The following FAM217A variants were observed in gnomAD, a reference collection of about 807,000 sequenced individuals.
FAM217A encodes protein FAM217A.
In FAM217A, 13 loss-of-function variants were observed where a neutral mutation model predicts 18.5. That is an observed-to-expected ratio of 0.70 (90% CI 0.46 to 1.12). FAM217A has a LOEUF of 1.12. Ranked by LOEUF, FAM217A falls within the 50% of genes most tolerant of loss-of-function variation. The pLI, the probability that FAM217A is intolerant of heterozygous loss-of-function variation, is 0.00. For missense variants in FAM217A, 560 were observed against 575.4 expected (o/e 0.97, Z 0.27); for synonymous variants, 161 against 202.8 (o/e 0.79, Z 1.75).
intron 2 of FAM217A, among the ~76,000 whole-genome samples, chr6:4,075,630 G>C: frequency 6.6e-6 from 1 of 152,318 alleles, no homozygotes; most frequent in Admixed American, 6.5e-5. Flanking sequence ...AAAACAGAAA[G>C]TGAAGAGGTG....
chr6:4,079,708 A>G (rs1177787285), upstream of FAM217A: 7 of 1,167,780 alleles, frequency 6.0e-6, no homozygotes, highest in South Asian at 5.3e-5. Flanking sequence ...CTAAGCTACA[A>G]TATATACGCA....
In FAM217A at chr6:4,069,781, C is replaced by G; in HGVS notation, c.442G>C (p.Gly148Arg). 6.2e-7 allele frequency: 1 copy of G among 1,614,114 alleles called. No individual in the cohort carries two copies. ...CCATCAGCATAGGGCCAGCAGAGAC[C>G]TAATGGCATTGGCAGTCCAGGGTAA... Reference protein sequence around the residue: ...GPYPGLPMPLGLCWPYADGDF... With the variant: ...GPYPGLPMPLRLCWPYADGDF... The change falls in exon 7 of 7, where the codon GGT becomes CGT. Residue 148 changes from glycine (G) to arginine (R), a missense_variant. Coordinates refer to ENST00000274673, the MANE Select transcript of FAM217A (RefSeq NM_173563.3).
At chr6:4,070,516 A>ATTATT (rs776271919) in intron 6 of FAM217A, among the ~76,000 whole-genome samples, 3 of 152,162 alleles carry the variant, frequency 2.0e-5, no homozygotes, top group Non-Finnish European at 2.9e-5. Flanking sequence ...AATTCTAGGT[A>ATTATT]TTATGTTAAA....
upstream of FAM217A, among the ~76,000 whole-genome samples, chr6:4,081,027 C>T (rs1407137552): frequency 1.3e-5 from 2 of 152,078 alleles, no homozygotes; most frequent in African/African-American, 4.8e-5. Flanking sequence ...TCATTTACAA[C>T]GTCTCAATCA....
intron 3 of FAM217A, 29 bp from the exon 4 acceptor site, chr6:4,074,485 A>G: frequency 1.3e-6 from 2 of 1,582,924 alleles, no homozygotes; most frequent in South Asian, 2.2e-5. Flanking sequence ...ATGACAATTA[A>G]TAGTTACATA....
rs138996355 is a variant in FAM217A, at chr6:4,069,264, C to G, written c.959G>C (p.Arg320Pro). Residue 320 changes from arginine (R) to proline (P), a missense_variant, in exon 7 of 7, where the codon CGA becomes CCA. Physicochemically the swap from Arg to Pro is moderately radical, Grantham distance 103. Transcript: ENST00000274673. The part of the protein sequence containing the change: ...TTFCTPAVTE[R>P]PSSSKATPKV... ...TGGTGTAGCTTTGGAGGAAGAGGGT[C>G]GTTCAGTAACTGCTGGAGTACAGAA... The G allele has an allele frequency of 4.3e-6, 7 of 1,614,060 alleles. No homozygotes were observed. The highest frequency in any genetic ancestry group is 5.9e-6 in the Non-Finnish European group (7 of 1,180,018).
Position 4,069,513 on chromosome 6 carries a change from G to A in FAM217A, c.710C>T (p.Pro237Leu). The change falls in exon 7 of 7, where the codon CCT becomes CTT. Residue 237 changes from proline to leucine, a missense_variant. Coordinates refer to ENST00000274673, the MANE Select transcript of FAM217A (RefSeq NM_173563.3). ...TACTTCATTTGGCTCCTCGGTGAAA[G>A]GTTCCTCAACATTTTTTATTGTTTC... is the stretch of plus-strand genomic sequence containing the variant. ...KPETIKNVEE[P>L]FTEEPNEVFP... The A allele has an allele frequency of 1.2e-6, 2 of 1,614,136 alleles. No individual in the cohort carries two copies. Among genetic ancestry groups the A allele is most frequent in the South Asian group, 1.1e-5 (1 of 91,074 alleles).
Position 4,068,901 on chromosome 6 carries a change from G to A in FAM217A, c.1322C>T (p.Pro441Leu), listed in dbSNP as rs1199131315. 3.1e-6 allele frequency: 5 copies of A among 1,614,130 alleles called. No individual in the cohort carries two copies. Among genetic ancestry groups the A allele is most frequent in the Admixed American group, 1.7e-5 (1 of 60,022 alleles). ...VSTRCLPWRS[P>L]MPVSPIPLTF... ...CAGAGGTATAGGTGAAACTGGCATT[G>A]GAGACCTCCATGGCAGACATCTTGT... Residue 441 changes from proline to leucine, a missense_variant, in exon 7 of 7, where the codon CCA (proline) becomes CTA (leucine). Transcript: ENST00000274673.
chr6:4,082,377 G>A (rs1234413899), upstream of FAM217A, among the ~76,000 whole-genome samples: 2 of 152,176 alleles, frequency 1.3e-5, no homozygotes, highest in African/African-American at 4.8e-5. Flanking sequence ...GTTTTTCTCT[G>A]ACCTTCTTCT....
chr6:4,072,717 G>C (rs1769511235), intron 6 of FAM217A, among the ~76,000 whole-genome samples: 1 of 151,502 alleles, frequency 6.6e-6, no homozygotes, highest in Admixed American at 6.6e-5. Context: ...AGCTGAGATT[G>C]CATCTTTGCA....
chr6:4,074,000 G>A (rs1769596327), intron 4 of FAM217A, among the ~76,000 whole-genome samples: 1 of 152,038 alleles, frequency 6.6e-6, no homozygotes, highest in African/African-American at 2.4e-5. Flanking sequence ...ACAGCTATGT[G>A]CCACCATGCC....
intron 6 of FAM217A, among the ~76,000 whole-genome samples, chr6:4,071,226 A>T (rs1769390958): frequency 6.6e-6 from 1 of 152,202 alleles, no homozygotes; most frequent in African/African-American, 2.4e-5. Context: ...CCTTGGAGGT[A>T]GTCTGAGAAG....
chr6:4,074,626 A>G lies in FAM217A; in HGVS notation c.96T>C (p.Pro32=), dbSNP rs1404087017. ...CTGGGAGGTTTTTATTTTCAGAAAC[A>G]GGTACTTCTGAATCCAAATTCCAGT... ...LSHWNLDSEV[P]VSENKNLPAG... is the part of the protein sequence containing the mutation. Residue 32 remains proline, a synonymous_variant, in exon 3 of 7, where the codon CCT becomes CCC. Transcript: ENST00000274673. The G allele has an allele frequency of 2.5e-6, 4 of 1,613,616 alleles. No individual in the cohort carries two copies. The highest frequency in any genetic ancestry group is 2.7e-5 in the African/African-American group (2 of 74,916).
rs759394565 is a variant in FAM217A at position 4,077,481 on chromosome 6, G to A, written c.-34-33C>T. On this transcript the variant is annotated intron_variant, in intron 1 of 6. Transcript: ENST00000274673. Reference sequence around the variant, plus strand: ...GATTGCGGGATAGGCACATTTATGGGTAAGGGTCAACATTTATAAAAAAGA... The same window carrying A: ...GATTGCGGGATAGGCACATTTATGGATAAGGGTCAACATTTATAAAAAAGA... 36 of 1,487,184 alleles carry A rather than the reference G, an allele frequency of 2.4e-5. No individual in the cohort carries two copies. In the South Asian group the frequency reaches 3.7e-4, roughly 15 times the overall value. The allele number at this position is 1,487,184 out of a possible 1,614,324, so 92.1% of individuals were successfully genotyped here. A position where few individuals can be genotyped will look rare whatever the true frequency, so the allele number is the denominator to read the frequency against.
chr6:4,074,862 A>AT (rs1398536761), intron 2 of FAM217A, among the ~76,000 whole-genome samples: 6 of 152,282 alleles, frequency 3.9e-5, no homozygotes, highest in Admixed American at 3.9e-4. Flanking sequence ...GATAATGCCT[A>AT]TTGTTGAGGA....
chr6:4,083,260 A>G (rs1770420657), upstream of FAM217A, among the ~76,000 whole-genome samples: 1 of 152,232 alleles, frequency 6.6e-6, no homozygotes, highest in South Asian at 2.1e-4. Context: ...TTCTCCTCCT[A>G]TAACAAAGGC....
At position 4,078,853 on chromosome 6, in the gene FAM217A, G is replaced by A; in HGVS notation, c.-36C>T. ...CCGGGGCCGGGGCTCTCAACCCACC[G>A]CGCGAAGGCCCACGTGTCCTCCCCG... On this transcript the variant is annotated splice_region_variant and 5_prime_UTR_variant, in exon 1 of 7. Transcript: ENST00000274673. 2.1e-6 allele frequency: 1 copy of A among 469,774 alleles called. No homozygotes were observed. The highest frequency in any genetic ancestry group is 3.8e-6 in the Non-Finnish European group (1 of 263,050). 29.1% of individuals were successfully genotyped at this position (469,774 alleles called of 1,614,324 possible).
At chr6:4,077,501 A>T (rs1769906743) in intron 1 of FAM217A, 53 bp from the exon 2 acceptor site, 1 of 1,399,736 alleles carries the variant, frequency 7.1e-7, no homozygotes, top group Admixed American at 1.7e-5. Flanking sequence ...ACATTTATAA[A>T]AAAGAAAGTG....
chr6:4,083,557 C>CTTTTG (rs573491556), upstream of FAM217A, among the ~76,000 whole-genome samples: 2 of 139,850 alleles, frequency 1.4e-5, no homozygotes, highest in South Asian at 2.4e-4. Context: ...CTTTTCTTTT[C>CTTTTG]TTTTTTTTTT....
Sources: allele counts gnomAD v4.1 joint callset (sites outside exome capture counted in the v4.1 genomes callset), GRCh38; gene constraint gnomAD v4.1.1; transcripts MANE v1.5; gene names NCBI Gene and HGNC (gene_info 2026-07-23, HGNC 2026-07-21).